UQCC1: variants seen among roughly 807,000 people sequenced by gnomAD.
UQCC1 encodes bFGF-repressed Zic-binding protein.
In UQCC1, 38 loss-of-function variants were observed where a neutral mutation model predicts 48.0. That is an observed-to-expected ratio of 0.79 (90% CI 0.61 to 1.04). The LOEUF (loss-of-function observed/expected upper bound fraction) is 1.04. UQCC1 is among the 50% of genes least tolerant of loss of function. UQCC1 has a pLI of 0.00. For synonymous variants in UQCC1, 111 were observed against 129.2 expected, an observed-to-expected ratio of 0.86 and a Z score of 0.95; for missense variants, 368 against 381.8, an observed-to-expected ratio of 0.96 and a Z score of 0.30.
chr20:35,392,188 A>C (rs1374461466), intron 2 of UQCC1: 1 of 1,255,872 alleles, frequency 8.0e-7, no homozygotes, highest in African/African-American at 1.5e-5. Context: ...TAATTAACAA[A>C]ACTCTTTCTC....
intron 7 of UQCC1, among the ~76,000 whole-genome samples, chr20:35,327,438 G>A (rs1433705908): frequency 6.6e-6 from 1 of 152,232 alleles, no homozygotes; most frequent in Non-Finnish European, 1.5e-5. Context: ...GGCTCAGAAA[G>A]GTCAAGTGAC....
At chr20:35,384,450 G>T in intron 2 of UQCC1, 1 of 335,366 alleles carries the variant, frequency 3.0e-6, no homozygotes, top group East Asian at 7.7e-5. Flanking sequence ...GACTCAGCCT[G>T]GGGAACATAG....
intron 7 of UQCC1, among the ~76,000 whole-genome samples, chr20:35,331,200 A>G (rs1433348185): frequency 6.6e-6 from 1 of 152,106 alleles, no homozygotes; most frequent in Non-Finnish European, 1.5e-5. Context: ...AACCATACAC[A>G]TACCACAAGC....
At chr20:35,390,933 C>T (rs2062006423) in intron 2 of UQCC1, among the ~76,000 whole-genome samples, 1 of 152,142 alleles carries the variant, frequency 6.6e-6, no homozygotes, top group African/African-American at 2.4e-5. Flanking sequence ...TGGTAGCTCA[C>T]ACCTATAATC....
At chr20:35,404,097 C>T (rs565789698) in intron 1 of UQCC1, among the ~76,000 whole-genome samples, 39 of 152,118 alleles carry the variant, frequency 2.6e-4, no homozygotes, top group Non-Finnish European at 4.7e-4. Flanking sequence ...ATTAGCCAGG[C>T]GTGGCCGGGC....
intron 7 of UQCC1, among the ~76,000 whole-genome samples, chr20:35,316,251 A>C (rs898953536): frequency 6.6e-6 from 1 of 152,204 alleles, no homozygotes; most frequent in East Asian, 1.9e-4. Flanking sequence ...CCATGCCCAC[A>C]GTCATCTCAT....
chr20:35,350,075 TAATC>T (rs1217253657), intron 6 of UQCC1, among the ~76,000 whole-genome samples: 2 of 152,120 alleles, frequency 1.3e-5, no homozygotes, highest in South Asian at 2.1e-4. Flanking sequence ...GAGAAAGATA[TAATC>T]AACATTGAAC....
intron 7 of UQCC1, chr20:35,344,486 A>C (rs190207985): frequency 9.6e-4 from 146 of 152,394 alleles, no homozygotes; most frequent in African/African-American, 3.3e-3. Context: ...CACTACAGGA[A>C]GAGCTACTGC....
At chr20:35,336,027 A>T (rs1029543997) in intron 7 of UQCC1, among the ~76,000 whole-genome samples, 3 of 152,222 alleles carry the variant, frequency 2.0e-5, no homozygotes, top group African/African-American at 4.8e-5. Flanking sequence ...ACAAAAACAA[A>T]AACCTAAGAT....
chr20:35,304,040 C>A lies in UQCC1; in HGVS notation c.795G>T (p.Glu265Asp), dbSNP rs765024922. Residue 265 changes from glutamate to aspartate, a missense_variant, in exon 10 of 10, where the codon GAG becomes GAT. Coordinates refer to ENST00000374385, the MANE Select transcript of UQCC1 (RefSeq NM_018244.5). The stretch of plus-strand genomic sequence containing the variant: ...TCACCTCCCCTGTCAGAAGCAGATC[C>A]TCCCCGTTCATGGAGTCCAGGTACT... ...QIQYLDSMNG[E>D]DLLLTGEVSW... 2.3e-5 allele frequency: 37 copies of A among 1,614,048 alleles called. No individual in the cohort carries two copies. Among genetic ancestry groups the A allele is most frequent in the Non-Finnish European group, 2.6e-5 (31 of 1,180,020 alleles).
intron 1 of UQCC1, among the ~76,000 whole-genome samples, chr20:35,408,843 A>G (rs1479942862): frequency 6.6e-6 from 1 of 152,018 alleles, no homozygotes; most frequent in Non-Finnish European, 1.5e-5. Flanking sequence ...TGACAGAGCG[A>G]GACCCTATCT....
chr20:35,356,484 C>T (rs535416483), intron 6 of UQCC1, among the ~76,000 whole-genome samples: 15 of 152,296 alleles, frequency 9.8e-5, no homozygotes, highest in African/African-American at 3.1e-4. Flanking sequence ...CGGACAAGTG[C>T]TATAATTAAC....
At chr20:35,353,851 C>T (rs1278619036) in intron 6 of UQCC1, among the ~76,000 whole-genome samples, 1 of 151,910 alleles carries the variant, frequency 6.6e-6, no homozygotes, top group Non-Finnish European at 1.5e-5. Flanking sequence ...CAGTAGTATA[C>T]AGTAATATCT....
chr20:35,377,850 A>C (rs987918039), intron 4 of UQCC1, among the ~76,000 whole-genome samples: 8 of 152,222 alleles, frequency 5.3e-5, no homozygotes, highest in African/African-American at 1.9e-4. Flanking sequence ...CAAACAATGA[A>C]GACTTCACCA....
At chr20:35,344,652 T>A (rs2061413887) in intron 7 of UQCC1, 1 of 152,288 alleles carries the variant, frequency 6.6e-6, no homozygotes. Context: ...AACATTCAGC[T>A]GGATGAATAC....
chr20:35,385,927 C>G (rs370654742), intron 2 of UQCC1, among the ~76,000 whole-genome samples: 1 of 151,508 alleles, frequency 6.6e-6, no homozygotes, highest in East Asian at 1.9e-4. Context: ...CCCCTTCCCC[C>G]ACATGCACAG....
At chr20:35,395,439 G>A (rs1453932645) in intron 1 of UQCC1, among the ~76,000 whole-genome samples, 1 of 151,278 alleles carries the variant, frequency 6.6e-6, no homozygotes, top group African/African-American at 2.4e-5. Flanking sequence ...GGGCAACAAA[G>A]CGAGACCCCC....
intron 6 of UQCC1, among the ~76,000 whole-genome samples, chr20:35,353,431 A>G (rs1200951710): frequency 1.3e-5 from 2 of 151,930 alleles, no homozygotes; most frequent in African/African-American, 4.8e-5. Context: ...AAAAGTTTAT[A>G]AAGTATAAAT....
intron 2 of UQCC1, among the ~76,000 whole-genome samples, chr20:35,389,377 A>G (rs923879718): frequency 2.6e-5 from 4 of 152,078 alleles, no homozygotes; most frequent in African/African-American, 9.7e-5. Context: ...ATCCTGGCCA[A>G]CACGGTGAAA....
Sources: allele counts gnomAD v4.1 joint callset (sites outside exome capture counted in the v4.1 genomes callset), GRCh38; gene constraint gnomAD v4.1.1; transcripts MANE v1.5; gene names NCBI Gene and HGNC (gene_info 2026-07-23, HGNC 2026-07-21).